FAM169A: variants seen among roughly 807,000 people sequenced by gnomAD.
FAM169A encodes soluble lamin-associated protein of 75 kDa.
FAM169A carries 24 observed loss-of-function variants against 75.7 expected under a neutral mutation model. The ratio of observed to expected loss-of-function variants is 0.32; its 90% CI spans 0.23 to 0.45. The LOEUF is 0.45. Ranked by LOEUF, FAM169A falls within the 20% of genes least tolerant of loss-of-function variation. The pLI is 1.00. For missense variants in FAM169A, 673 were observed against 784.0 expected (o/e 0.86, Z 1.69); for synonymous variants, 271 against 271.0 (o/e 1.00, Z 0.00).
chr5:74,787,430 T>G (rs1745750747), intron 11 of FAM169A, among the ~76,000 whole-genome samples: 1 of 152,166 alleles, frequency 6.6e-6, no homozygotes, highest in South Asian at 2.1e-4. Flanking sequence ...ATTGGGATGG[T>G]GGAGTGGATT....
chr5:74,825,188 A>C (rs1580130725), intron 5 of FAM169A, among the ~76,000 whole-genome samples: 1 of 152,168 alleles, frequency 6.6e-6, no homozygotes, highest in Non-Finnish European at 1.5e-5. Flanking sequence ...TTATCCCAAT[A>C]AATTCAAATA....
At chr5:74,845,969 G>C (rs1202923079) in intron 1 of FAM169A, among the ~76,000 whole-genome samples, 4 of 152,182 alleles carry the variant, frequency 2.6e-5, no homozygotes, top group Non-Finnish European at 5.9e-5. Context: ...CAATTCCAAT[G>C]AAGATTAAAA....
intron 6 of FAM169A, among the ~76,000 whole-genome samples, chr5:74,810,645 G>T (rs939945397): frequency 1.3e-5 from 2 of 151,154 alleles, no homozygotes; most frequent in African/African-American, 4.9e-5. Context: ...AGCTACTCGG[G>T]AGGCTGAGGC....
chr5:74,835,679 A>G (rs1748538812), intron 4 of FAM169A, among the ~76,000 whole-genome samples: 1 of 152,028 alleles, frequency 6.6e-6, no homozygotes, highest in Non-Finnish European at 1.5e-5. Flanking sequence ...TTCAGGCTCT[A>G]ATTAGTTCAG....
At position 74,807,331 on chromosome 5, in the gene FAM169A, C is replaced by T. The variant is rs371518785; in HGVS notation, c.671-2047G>A. Among the ~76,000 whole-genome samples, 5 of 152,172 alleles carry T rather than the reference C, an allele frequency of 3.3e-5. No homozygotes were observed. The East Asian group carries it at 9.6e-4, about 29-fold the overall frequency. On this transcript the variant is annotated intron_variant, in intron 6 of 12. Coordinates refer to ENST00000687041, the MANE Select transcript of FAM169A (RefSeq NM_001376049.1). ...TTTTATGATAAACTGTTGAATATTT[C>T]ACATACTTTATTGAATACAGTACTC...
Position 74,796,110 on chromosome 5 carries a change from A to T in FAM169A, c.1180T>A (p.Phe394Ile). The T allele has an allele frequency of 6.2e-7, 1 of 1,614,076 alleles. No individual in the cohort carries two copies. Among genetic ancestry groups the T allele is most frequent in the African/African-American group, 1.3e-5 (1 of 75,026 alleles). Residue 394 changes from phenylalanine to isoleucine, a missense_variant, in exon 11 of 13, where the codon TTT (phenylalanine) becomes ATT (isoleucine). This residue lies in a region of FAM169A where 510 missense variants were observed against 550.9 expected (regional missense o/e 0.93). Coordinates refer to ENST00000687041, the MANE Select transcript of FAM169A (RefSeq NM_001376049.1). ...TCTCTATCACTGCTTTCATCCTCAA[A>T]TTCAATCCCTCTCTGTTCAGGTTCT... is the stretch of plus-strand genomic sequence containing the variant. ...EEEPEQRGIE[F>I]EDESSDRDAR...
At chr5:74,795,275 C>G (rs1746211585) in intron 11 of FAM169A, among the ~76,000 whole-genome samples, 1 of 152,036 alleles carries the variant, frequency 6.6e-6, no homozygotes, top group Non-Finnish European at 1.5e-5. Flanking sequence ...AAAAAGAAAA[C>G]AAAATTGGTA....
chr5:74,789,673 C>G (rs1745875851), intron 11 of FAM169A, among the ~76,000 whole-genome samples: 1 of 152,280 alleles, frequency 6.6e-6, no homozygotes, highest in East Asian at 1.9e-4. Flanking sequence ...CTTTGGCAGG[C>G]CCCCATAGGT....
intron 1 of FAM169A, among the ~76,000 whole-genome samples, chr5:74,845,725 A>G (rs560190562): frequency 3.3e-4 from 51 of 152,350 alleles, no homozygotes; most frequent in African/African-American, 1.2e-3. Context: ...ATTTGGGAGT[A>G]ATACCACAAG....
At chr5:74,811,515 T>C (rs1747193045) in intron 6 of FAM169A, among the ~76,000 whole-genome samples, 1 of 152,218 alleles carries the variant, frequency 6.6e-6, no homozygotes, top group African/African-American at 2.4e-5. Flanking sequence ...CATCTAATTC[T>C]GTACTTGGTT....
At chr5:74,801,526 C>A in intron 9 of FAM169A, 64 bp downstream of exon 9, 1 of 1,240,478 alleles carries the variant, frequency 8.1e-7, no homozygotes, top group Non-Finnish European at 1.2e-6. Context: ...CATGCACACA[C>A]ACACACACAG....
At chr5:74,785,886 A>C (rs1304687447) in intron 11 of FAM169A, among the ~76,000 whole-genome samples, 1 of 152,204 alleles carries the variant, frequency 6.6e-6, no homozygotes, top group Non-Finnish European at 1.5e-5. Context: ...AACATCACTA[A>C]TTGTGATGGC....
intron 1 of FAM169A, among the ~76,000 whole-genome samples, chr5:74,852,694 T>G (rs1184651626): frequency 6.6e-6 from 1 of 151,264 alleles, no homozygotes; most frequent in Non-Finnish European, 1.5e-5. Context: ...AGTTAAGGTA[T>G]ATAACGGCAA....
chr5:74,782,893 G>T, intron 12 of FAM169A, 38 bp downstream of exon 12: 1 of 1,508,702 alleles, frequency 6.6e-7, no homozygotes, highest in Non-Finnish European at 9.1e-7. Context: ...CACCAACATT[G>T]GTAAACTTTA....
In FAM169A at chr5:74,778,980, C is replaced by T. The variant is rs1745267740; in HGVS notation, c.*2480G>A. 6.6e-6 allele frequency: 1 copy of T among 152,068 alleles called. No individual in the cohort carries two copies. The highest frequency in any genetic ancestry group is 1.5e-5 in the Non-Finnish European group (1 of 67,942). 9.4% of individuals were successfully genotyped at this position (152,068 alleles called of 1,614,324 possible). A position where few individuals can be genotyped will look rare whatever the true frequency, so the allele number is the denominator to read the frequency against. The stretch of plus-strand genomic sequence containing the variant: ...GATAAATTGTGGTATAAATTCTATA[C>T]TCAAGTTACTGAACATGAGAGTTAG... On this transcript the variant is annotated 3_prime_UTR_variant, in exon 13 of 13. Coordinates refer to ENST00000687041, the MANE Select transcript of FAM169A (RefSeq NM_001376049.1).
intron 5 of FAM169A, 106 bp from the exon 6 acceptor site, chr5:74,814,125 C>CA (rs1432340833): frequency 2.7e-6 from 2 of 746,632 alleles, no homozygotes; most frequent in Non-Finnish European, 2.0e-6. Flanking sequence ...TCTTCTATAT[C>CA]AAAAAACGTT....
intron 10 of FAM169A, among the ~76,000 whole-genome samples, chr5:74,797,110 G>A (rs973272465): frequency 6.6e-6 from 1 of 152,120 alleles, no homozygotes; most frequent in Admixed American, 6.5e-5. Flanking sequence ...GCTCAGAAAC[G>A]TCTGGTGGTT....
intron 4 of FAM169A, among the ~76,000 whole-genome samples, chr5:74,836,926 C>T (rs867805529): frequency 1.2e-4 from 18 of 144,538 alleles, no homozygotes; most frequent in African/African-American, 4.6e-4. Context: ...CCAGCCTGGG[C>T]GTCAGTAAGC....
intron 7 of FAM169A, among the ~76,000 whole-genome samples, chr5:74,804,922 C>CT (rs1746786128): frequency 6.6e-6 from 1 of 152,190 alleles, no homozygotes. Flanking sequence ...TCCTACTGGG[C>CT]TGTTCTAGGT....
Sources: allele counts gnomAD v4.1 joint callset (sites outside exome capture counted in the v4.1 genomes callset), GRCh38; gene constraint gnomAD v4.1.1; regional missense constraint gnomAD v4.1.1; transcripts MANE v1.5; gene names NCBI Gene and HGNC (gene_info 2026-07-23, HGNC 2026-07-21).